Variants in DLGAP2 observed in about 807,000 individuals in gnomAD.
DLGAP2 encodes disks large-associated protein 2.
DLGAP2 carries 26 observed loss-of-function variants against 100.3 expected under a neutral mutation model. The ratio of observed to expected loss-of-function variants is 0.26; its 90% CI spans 0.19 to 0.36. The LOEUF (loss-of-function observed/expected upper bound fraction) is 0.36. Among genes scored for constraint, DLGAP2 ranks in the 10% least tolerant of loss-of-function variants. The pLI, the probability that DLGAP2 is intolerant of heterozygous loss-of-function variation, is 1.00. For missense variants in DLGAP2, 1,858 were observed against 1,453.2 expected, an observed-to-expected ratio of 1.28 and a Z score of -4.53; for synonymous variants, 886 against 630.1, an observed-to-expected ratio of 1.41 and a Z score of -6.08.
intron 1 of DLGAP2, among the ~76,000 whole-genome samples, chr8:750,562 C>T (rs536771982): frequency 6.2e-4 from 95 of 152,108 alleles, no homozygotes; most frequent in Non-Finnish European, 1.2e-3. Context: ...TCAAAATTGC[C>T]AATGAATGGT....
chr8:1,511,553 G>A (rs543783842), intron 4 of DLGAP2, among the ~76,000 whole-genome samples: 2 of 151,606 alleles, frequency 1.3e-5, no homozygotes, highest in East Asian at 3.9e-4. Flanking sequence ...ATCTTCCATG[G>A]ACGTAAGTGC....
At chr8:1,301,338 C>G (rs778513108) in intron 3 of DLGAP2, 1 of 152,296 alleles carries the variant, frequency 6.6e-6, no homozygotes, top group Non-Finnish European at 1.5e-5. Flanking sequence ...GCATCATGCT[C>G]GAGCTCCGGG....
At chr8:805,696 G>C (rs954399139) in intron 1 of DLGAP2, among the ~76,000 whole-genome samples, 2 of 152,126 alleles carry the variant, frequency 1.3e-5, no homozygotes, top group South Asian at 4.1e-4. Flanking sequence ...CGCCTCCCAG[G>C]CTGAAGCAAT....
In DLGAP2 at chr8:1,380,611, A is replaced by G. The variant is rs1322995960; in HGVS notation, c.107-120755A>G. On this transcript the variant is annotated intron_variant, in intron 3 of 14. Transcript: ENST00000637795. The stretch of plus-strand genomic sequence containing the variant: ...GTCCACATGAAGGATCAGCATGAAC[A>G]CCCGACCACATCTTACTCCAAATTG... 2.0e-5 allele frequency among the ~76,000 whole-genome samples: 3 copies of G among 152,140 alleles called. No individual in the cohort carries two copies. In the East Asian group the frequency reaches 5.8e-4, roughly 29 times the overall value.
intron 3 of DLGAP2, among the ~76,000 whole-genome samples, chr8:1,332,181 G>C (rs758397132): frequency 6.6e-6 from 1 of 152,082 alleles, no homozygotes; most frequent in Admixed American, 6.5e-5. Context: ...GAATGTGAGC[G>C]TATTTGCGTT....
At chr8:1,347,822 C>T (rs902936167) in intron 3 of DLGAP2, among the ~76,000 whole-genome samples, 1 of 151,554 alleles carries the variant, frequency 6.6e-6, no homozygotes. Flanking sequence ...ACATTGCACT[C>T]ATGTTAGCTG....
At chr8:1,044,834 A>G (rs1344134519) in intron 2 of DLGAP2, among the ~76,000 whole-genome samples, 1 of 152,134 alleles carries the variant, frequency 6.6e-6, no homozygotes, top group African/African-American at 2.4e-5. Context: ...GAACGGACCC[A>G]CCCACGTGCT....
At chr8:1,041,414 A>G (rs1272235366) in intron 2 of DLGAP2, among the ~76,000 whole-genome samples, 1 of 152,202 alleles carries the variant, frequency 6.6e-6, no homozygotes, top group Non-Finnish European at 1.5e-5. Context: ...TCGGGAGGAG[A>G]CAGAGCCTGT....
intron 2 of DLGAP2, among the ~76,000 whole-genome samples, chr8:1,203,268 G>T (rs146820146): frequency 3.3e-5 from 5 of 149,674 alleles, no homozygotes; most frequent in African/African-American, 1.2e-4. Flanking sequence ...TGTGTCCTTC[G>T]GTGATGAGGC....
At chr8:980,860 C>A (rs906904436) in intron 2 of DLGAP2, among the ~76,000 whole-genome samples, 1 of 152,138 alleles carries the variant, frequency 6.6e-6, no homozygotes, top group Non-Finnish European at 1.5e-5. Flanking sequence ...AGTTAGGGAA[C>A]ACACAGGAAC....
intron 2 of DLGAP2, among the ~76,000 whole-genome samples, chr8:1,117,097 C>G (rs1305476584): frequency 2.0e-5 from 3 of 152,124 alleles, no homozygotes; most frequent in Non-Finnish European, 4.4e-5. Flanking sequence ...GCAATTTCAT[C>G]TCCTTGGGAC....
At position 1,446,233 on chromosome 8, in the gene DLGAP2, TGTAA is replaced by T. The variant is rs930930733; in HGVS notation, c.107-55130_107-55127del. ...GGTTTTTATGGTTTTAGGTCTAACA[TGTAA>T]GTCTTTAATCGATCTTGAATTAATT... is the stretch of plus-strand genomic sequence containing the variant. On this transcript the variant is annotated intron_variant, in intron 3 of 14. Coordinates refer to ENST00000637795, the MANE Select transcript of DLGAP2 (RefSeq NM_001346810.2). Among the ~76,000 whole-genome samples, 160 of 152,306 alleles carry T rather than the reference TGTAA, an allele frequency of 1.1e-3. 2 individuals carry two copies. Among genetic ancestry groups the T allele is most frequent in the African/African-American group, 3.7e-3 (152 of 41,566 alleles).
chr8:1,677,414 C>T (rs1315916453), intron 11 of DLGAP2, among the ~76,000 whole-genome samples: 7 of 152,206 alleles, frequency 4.6e-5, no homozygotes, highest in African/African-American at 1.2e-4. Context: ...AAAGGGAACA[C>T]GTGGCAACGT....
chr8:1,360,720 C>G (rs919743048), intron 3 of DLGAP2, among the ~76,000 whole-genome samples: 2 of 152,148 alleles, frequency 1.3e-5, no homozygotes, highest in African/African-American at 4.8e-5. Flanking sequence ...GATCGGTGGC[C>G]TCGTTCTTCC....
At chr8:876,537 A>G (rs1370493542) in intron 1 of DLGAP2, among the ~76,000 whole-genome samples, 3 of 152,140 alleles carry the variant, frequency 2.0e-5, no homozygotes, top group Middle Eastern at 3.4e-3. Context: ...GTAACAAGTC[A>G]TTTTTCTCTT....
intron 1 of DLGAP2, among the ~76,000 whole-genome samples, chr8:751,003 C>T (rs943690798): frequency 2.6e-5 from 4 of 152,192 alleles, no homozygotes; most frequent in Admixed American, 6.5e-5. Context: ...AAACAGGTGT[C>T]GGTAGGCACG....
chr8:792,809 G>A (rs1795944948), intron 1 of DLGAP2, among the ~76,000 whole-genome samples: 1 of 152,164 alleles, frequency 6.6e-6, no homozygotes, highest in Admixed American at 6.5e-5. Context: ...TTTTCATTGT[G>A]TAGTTATGTA....
rs769632607 is a variant in DLGAP2, at chr8:1,548,906, G to C, written c.453G>C (p.Val151=). 6 of 1,597,840 alleles carry C rather than the reference G, an allele frequency of 3.8e-6. No homozygotes were observed. The Admixed American group carries it at 1.0e-4, about 27-fold the overall frequency. ...VHSECVMMPV[V]LGDHVSSSTF... ...CGGAGTGCGTGATGATGCCGGTGGT[G>C]CTGGGCGACCACGTGTCCAGCAGCA... Residue 151 remains valine, a synonymous_variant, in exon 5 of 15, where the codon GTG becomes GTC. Transcript: ENST00000637795.
chr8:1,437,508 C>G (rs4270993), intron 3 of DLGAP2, among the ~76,000 whole-genome samples: 2 of 152,152 alleles, frequency 1.3e-5, no homozygotes, highest in African/African-American at 4.8e-5. Context: ...GTTCTGACAT[C>G]GACCTAACCT....
Sources: allele counts gnomAD v4.1 joint callset (sites outside exome capture counted in the v4.1 genomes callset), GRCh38; gene constraint gnomAD v4.1.1; transcripts MANE v1.5; gene names NCBI Gene and HGNC (gene_info 2026-07-23, HGNC 2026-07-21).